CAST: variants seen among roughly 807,000 people sequenced by gnomAD.
CAST encodes the protein calpastatin.
In CAST, 76 loss-of-function variants were observed where a neutral mutation model predicts 119.6. The observed-to-expected ratio is 0.64, with a 90% CI of 0.53 to 0.77. The LOEUF is 0.77. CAST is among the 30% of genes least tolerant of loss of function. The pLI is 0.00. For missense variants in CAST, 953 were observed against 946.5 expected (o/e 1.01, Z -0.09); for synonymous variants, 319 against 331.6 (o/e 0.96, Z 0.41).
At chr5:96,433,831 T>A in the CAST span, among the ~76,000 whole-genome samples, 1 of 152,246 alleles carries the variant, frequency 6.6e-6, no homozygotes, top group South Asian at 2.1e-4. Flanking sequence ...CACCTTAGTT[T>A]ACAAGTTTAC....
chr5:96,049,233 AAAG>A, the CAST span, among the ~76,000 whole-genome samples: 9 of 152,332 alleles, frequency 5.9e-5, no homozygotes, highest in Non-Finnish European at 1.0e-4. Context: ...GATTTTAAAA[AAAG>A]AAGAGCTGAT....
At chr5:95,966,915 C>A in the CAST span, among the ~76,000 whole-genome samples, 1 of 152,160 alleles carries the variant, frequency 6.6e-6, no homozygotes, top group Non-Finnish European at 1.5e-5. Context: ...AAGAAAATGT[C>A]CTGTCCACAG....
the CAST span, among the ~76,000 whole-genome samples, chr5:96,161,462 T>C: frequency 6.6e-6 from 1 of 152,224 alleles, no homozygotes; most frequent in Non-Finnish European, 1.5e-5. Flanking sequence ...GATTTATAGC[T>C]GAATCCTCAA....
At chr5:96,432,940 A>G in the CAST span, 1 of 1,614,188 alleles carries the variant, frequency 6.2e-7, no homozygotes, top group Non-Finnish European at 8.5e-7. Flanking sequence ...TCCGCTGCCC[A>G]TTCATTGACA....
chr5:96,382,185 T>C, the CAST span, among the ~76,000 whole-genome samples: 2 of 152,224 alleles, frequency 1.3e-5, no homozygotes, highest in African/African-American at 4.8e-5. Context: ...CCTCTTTCCA[T>C]AGGATTCTGT....
chr5:96,733,721 T>C (rs185624995), intron 9 of CAST, among the ~76,000 whole-genome samples: 1 of 152,018 alleles, frequency 6.6e-6, no homozygotes, highest in African/African-American at 2.4e-5. Flanking sequence ...CTACTAAAAA[T>C]AAAAAATTAG....
intron 1 of CAST, among the ~76,000 whole-genome samples, chr5:96,556,520 T>C (rs1245908571): frequency 1.3e-5 from 2 of 152,180 alleles, no homozygotes; most frequent in Non-Finnish European, 2.9e-5. Context: ...TTAAAGGACC[T>C]GATGGAGCTG....
At chr5:96,409,980 C>T in the CAST span, among the ~76,000 whole-genome samples, 1 of 152,134 alleles carries the variant, frequency 6.6e-6, no homozygotes, top group South Asian at 2.1e-4. Flanking sequence ...GTTCACCCAC[C>T]CTCTAATTAG....
chr5:96,288,195 C>A, the CAST span, among the ~76,000 whole-genome samples: 1 of 152,120 alleles, frequency 6.6e-6, no homozygotes, highest in African/African-American at 2.4e-5. Flanking sequence ...GTAAATTTCA[C>A]TTTTATGTCT....
At chr5:96,696,197 C>G (rs1193216568) in intron 3 of CAST, 3 of 185,664 alleles carry the variant, frequency 1.6e-5, no homozygotes, top group Non-Finnish European at 3.4e-5. Context: ...TTTGAACATA[C>G]TGTGAGTAAA....
the CAST span, among the ~76,000 whole-genome samples, chr5:96,136,080 T>A: frequency 1.3e-5 from 2 of 152,180 alleles, no homozygotes; most frequent in African/African-American, 4.8e-5. Flanking sequence ...CAACCTCTTT[T>A]TGAGGGTCCA....
chr5:96,759,452 T>G (rs1228023984), intron 24 of CAST, among the ~76,000 whole-genome samples: 1 of 152,064 alleles, frequency 6.6e-6, no homozygotes, highest in Non-Finnish European at 1.5e-5. Context: ...AAAGCAGTAT[T>G]CCTGTGATAC....
the CAST span, among the ~76,000 whole-genome samples, chr5:96,068,431 C>T: frequency 6.6e-6 from 1 of 152,048 alleles, no homozygotes; most frequent in Non-Finnish European, 1.5e-5. Context: ...TCCCTGTGCC[C>T]TACTGCCTCA....
At chr5:96,217,386 T>A in the CAST span, among the ~76,000 whole-genome samples, 1 of 151,762 alleles carries the variant, frequency 6.6e-6, no homozygotes, top group Non-Finnish European at 1.5e-5. Context: ...TAAGTTAAAC[T>A]AGCTTTATGG....
the CAST span, among the ~76,000 whole-genome samples, chr5:96,076,911 T>C: frequency 6.6e-6 from 1 of 151,548 alleles, no homozygotes; most frequent in Non-Finnish European, 1.5e-5. Context: ...CAATATGATA[T>C]ATATTTTTGC....
chr5:96,297,325 G>C, the CAST span, among the ~76,000 whole-genome samples: 3 of 152,156 alleles, frequency 2.0e-5, no homozygotes, highest in Non-Finnish European at 4.4e-5. Context: ...GAAAAACTTG[G>C]GGGTAGAGAA....
chr5:96,235,136 T>C, the CAST span, among the ~76,000 whole-genome samples: 783 of 152,312 alleles, frequency 5.1e-3, 9 homozygotes, highest in African/African-American at 0.018. Flanking sequence ...TTCTCCTGGT[T>C]CATCTTGGTG....
chr5:96,392,934 G>C, the CAST span: 2 of 1,533,290 alleles, frequency 1.3e-6, no homozygotes, highest in Non-Finnish European at 1.8e-6. Flanking sequence ...AACCACTTCA[G>C]ACACAGGCAA....
the CAST span, among the ~76,000 whole-genome samples, chr5:96,037,753 C>T: frequency 1.3e-5 from 2 of 152,114 alleles, no homozygotes; most frequent in Non-Finnish European, 2.9e-5. Context: ...TGACCAGGCT[C>T]AACTCAGCTT....
Sources: allele counts gnomAD v4.1 joint callset (sites outside exome capture counted in the v4.1 genomes callset), GRCh38; gene constraint gnomAD v4.1.1; transcripts MANE v1.5; gene names NCBI Gene and HGNC (gene_info 2026-07-23, HGNC 2026-07-21).